The following PTPRD variants were observed in gnomAD, a reference collection of about 807,000 sequenced individuals.
PTPRD encodes receptor-type tyrosine-protein phosphatase delta.
PTPRD carries 34 observed loss-of-function variants against 214.5 expected under a neutral mutation model. The observed-to-expected ratio is 0.16, with a 90% CI of 0.12 to 0.21. The LOEUF is 0.21. PTPRD is among the 10% of genes least tolerant of loss of function. PTPRD has a pLI of 1.00. For missense variants in PTPRD, 2,545 were observed against 2,398.7 expected (o/e 1.06, Z -1.27); for synonymous variants, 1,128 against 845.7 (o/e 1.33, Z -5.79).
intron 7 of PTPRD, among the ~76,000 whole-genome samples, chr9:9,707,035 ATC>A (rs985882201): frequency 6.6e-6 from 1 of 152,342 alleles, no homozygotes; most frequent in African/African-American, 2.4e-5. Flanking sequence ...AGAAAATATT[ATC>A]TGAGATTACA....
chr9:10,455,336 T>C (rs2098902470), intron 2 of PTPRD, among the ~76,000 whole-genome samples: 1 of 151,768 alleles, frequency 6.6e-6, no homozygotes, highest in Non-Finnish European at 1.5e-5. Flanking sequence ...AAAAATTCCT[T>C]CCATCTCTAA....
chr9:9,381,800 G>C (rs1175025488), intron 9 of PTPRD, among the ~76,000 whole-genome samples: 1 of 151,160 alleles, frequency 6.6e-6, no homozygotes, highest in Non-Finnish European at 1.5e-5. Context: ...TTGAAATCAA[G>C]AAGTGGGATC....
chr9:9,998,524 T>C (rs1347178137), intron 4 of PTPRD, among the ~76,000 whole-genome samples: 6 of 150,900 alleles, frequency 4.0e-5, no homozygotes, highest in Admixed American at 2.0e-4. Context: ...AGTTGACACA[T>C]ACTTCCCAGA....
chr9:9,093,401 G>T (rs534226305), intron 10 of PTPRD, among the ~76,000 whole-genome samples: 16 of 151,948 alleles, frequency 1.1e-4, no homozygotes, highest in African/African-American at 3.9e-4. Context: ...AAATGCCCAA[G>T]AAATATTCAC....
At chr9:8,318,890 G>T (rs535193730) in intron 45 of PTPRD, among the ~76,000 whole-genome samples, 3 of 152,152 alleles carry the variant, frequency 2.0e-5, no homozygotes, top group African/African-American at 7.2e-5. Context: ...ATTTTCAGTG[G>T]CCAATCGGGC....
At chr9:8,804,340 G>A (rs1292980428) in intron 11 of PTPRD, among the ~76,000 whole-genome samples, 2 of 151,900 alleles carry the variant, frequency 1.3e-5, no homozygotes, top group East Asian at 3.9e-4. Context: ...GCTCACACTT[G>A]CAATCCCAGC....
intron 10 of PTPRD, among the ~76,000 whole-genome samples, chr9:9,062,544 T>C (rs1237311164): frequency 2.2e-5 from 3 of 139,272 alleles, no homozygotes; most frequent in African/African-American, 5.3e-5. Flanking sequence ...TATCTCTGCA[T>C]CTCTCCATAT....
chr9:9,775,632 T>C (rs1177295415), intron 5 of PTPRD, among the ~76,000 whole-genome samples: 3 of 152,018 alleles, frequency 2.0e-5, no homozygotes, highest in Non-Finnish European at 2.9e-5. Context: ...TTCATTCTAT[T>C]ATAGGGAGAT....
At chr9:9,205,644 G>A (rs1041563857) in intron 9 of PTPRD, among the ~76,000 whole-genome samples, 1 of 151,950 alleles carries the variant, frequency 6.6e-6, no homozygotes, top group Non-Finnish European at 1.5e-5. Flanking sequence ...CTTTTTTGTG[G>A]CTTTTAGTTT....
chr9:10,081,436 T>C (rs745905297), intron 3 of PTPRD, among the ~76,000 whole-genome samples: 9 of 152,106 alleles, frequency 5.9e-5, no homozygotes, highest in South Asian at 2.1e-4. Flanking sequence ...AGGTGGAGCG[T>C]TTGGGAGGCA....
chr9:9,062,358 G>C (rs553321759), intron 10 of PTPRD, among the ~76,000 whole-genome samples: 8 of 152,204 alleles, frequency 5.3e-5, no homozygotes, highest in African/African-American at 1.9e-4. Flanking sequence ...TAAATAACTG[G>C]TGCAACTAAT....
At chr9:8,408,436 C>G (rs1435292423) in intron 35 of PTPRD, among the ~76,000 whole-genome samples, 1 of 152,128 alleles carries the variant, frequency 6.6e-6, no homozygotes, top group Non-Finnish European at 1.5e-5. Flanking sequence ...GCCTTCCCAG[C>G]ACTCAATCTG....
chr9:9,747,532 C>CTTT (rs1564945514), intron 6 of PTPRD, among the ~76,000 whole-genome samples: 1 of 104,576 alleles, frequency 9.6e-6, no homozygotes. Context: ...GTGACTGAAT[C>CTTT]TTTTTTGTTT....
At chr9:8,946,133 A>C (rs1361171650) in intron 11 of PTPRD, among the ~76,000 whole-genome samples, 1 of 152,218 alleles carries the variant, frequency 6.6e-6, no homozygotes, top group African/African-American at 2.4e-5. Context: ...ATGGTAACCA[A>C]GAGCATTTGT....
chr9:8,956,519 T>C (rs140644159), intron 11 of PTPRD, among the ~76,000 whole-genome samples: 95 of 151,942 alleles, frequency 6.3e-4, no homozygotes, highest in Middle Eastern at 3.4e-3. Flanking sequence ...GAAAATGTTC[T>C]GTAAGTTTAG....
chr9:9,428,612 A>C (rs1457774985), intron 8 of PTPRD, among the ~76,000 whole-genome samples: 1 of 152,218 alleles, frequency 6.6e-6, no homozygotes, highest in African/African-American at 2.4e-5. Context: ...TCTTCTCAGC[A>C]CCATGTCGCA....
intron 10 of PTPRD, among the ~76,000 whole-genome samples, chr9:9,154,189 G>T (rs975014928): frequency 2.6e-5 from 4 of 152,122 alleles, no homozygotes; most frequent in Admixed American, 6.6e-5. Context: ...GAACATTAAT[G>T]CCACAATGAA....
chr9:10,041,676 G>C (rs1424968146), intron 3 of PTPRD, among the ~76,000 whole-genome samples: 1 of 151,850 alleles, frequency 6.6e-6, no homozygotes, highest in Non-Finnish European at 1.5e-5. Flanking sequence ...TTATGAAAAT[G>C]TCACTAACTT....
chr9:8,689,059 T>C (rs1207884033), intron 12 of PTPRD, among the ~76,000 whole-genome samples: 1 of 152,234 alleles, frequency 6.6e-6, no homozygotes, highest in Non-Finnish European at 1.5e-5. Context: ...GATTCATTAA[T>C]GTTTTTAATT....
Sources: allele counts gnomAD v4.1 joint callset (sites outside exome capture counted in the v4.1 genomes callset), GRCh38; gene constraint gnomAD v4.1.1; transcripts MANE v1.5; gene names NCBI Gene and HGNC (gene_info 2026-07-23, HGNC 2026-07-21).